Variants in SND1 observed in about 807,000 individuals in gnomAD.
SND1 encodes the protein staphylococcal nuclease and tudor domain containing 1, also known as staphylococcal nuclease domain-containing protein 1.
In SND1, 38 loss-of-function variants were observed where a neutral mutation model predicts 121.7. The ratio of observed to expected loss-of-function variants is 0.31; its 90% CI spans 0.24 to 0.41. The LOEUF (loss-of-function observed/expected upper bound fraction) is 0.41, where lower values mean the gene tolerates loss of function less well. SND1 is among the 10% of genes least tolerant of loss of function. SND1 has a pLI of 1.00. For missense variants in SND1, 868 were observed against 1,184.6 expected, an observed-to-expected ratio of 0.73 and a Z score of 3.92; for synonymous variants, 401 against 447.4, an observed-to-expected ratio of 0.90 and a Z score of 1.31.
intron 16 of SND1, among the ~76,000 whole-genome samples, chr7:128,070,491 G>T (rs568959067): frequency 6.6e-6 from 1 of 152,296 alleles, no homozygotes; most frequent in East Asian, 1.9e-4. Flanking sequence ...CATTATAGGA[G>T]GCCTCCTGTG....
At chr7:127,788,587 T>C (rs1797855225) in intron 10 of SND1, among the ~76,000 whole-genome samples, 1 of 152,206 alleles carries the variant, frequency 6.6e-6, no homozygotes, top group Non-Finnish European at 1.5e-5. Context: ...TCATGTACAT[T>C]TGATCAACTA....
At chr7:127,739,828 C>T (rs1012354956) in intron 10 of SND1, among the ~76,000 whole-genome samples, 1 of 152,208 alleles carries the variant, frequency 6.6e-6, no homozygotes, top group Non-Finnish European at 1.5e-5. Flanking sequence ...TTCTTTAGCA[C>T]CTGCCTCTGT....
chr7:128,087,740 G>A lies in SND1; in HGVS notation c.2418+689G>A, dbSNP rs556426809. On this transcript the variant is annotated intron_variant, in intron 21 of 23. Transcript: ENST00000354725. ...CGGTGTACAAGATTGCCCAGATTGA[G>A]TATGTGGAAGGTGTGATGGGGAGGA... Among the ~76,000 whole-genome samples, 177 of 152,318 alleles carry A rather than the reference G, an allele frequency of 1.2e-3. 1 individual carries two copies. The highest frequency in any genetic ancestry group is 2.1e-3 in the Non-Finnish European group (141 of 68,032).
At chr7:127,954,629 A>G (rs1380893893) in intron 15 of SND1, among the ~76,000 whole-genome samples, 2 of 152,162 alleles carry the variant, frequency 1.3e-5, no homozygotes, top group Non-Finnish European at 2.9e-5. Context: ...GGAGAGCAAT[A>G]TTTCTTACAG....
intron 1 of SND1, among the ~76,000 whole-genome samples, chr7:127,669,411 T>C (rs1325302242): frequency 6.6e-6 from 1 of 152,234 alleles, no homozygotes; most frequent in African/African-American, 2.4e-5. Context: ...CCTACTCTGT[T>C]CTCAACCAAA....
chr7:127,816,121 T>G (rs921086944), intron 11 of SND1, among the ~76,000 whole-genome samples: 14 of 152,220 alleles, frequency 9.2e-5, no homozygotes, highest in African/African-American at 2.7e-4. Flanking sequence ...CCTTGAAGCA[T>G]GAACACTGAT....
At chr7:128,035,176 T>C (rs1297544891) in intron 16 of SND1, among the ~76,000 whole-genome samples, 5 of 152,214 alleles carry the variant, frequency 3.3e-5, no homozygotes, top group African/African-American at 1.2e-4. Context: ...TTTAGACATG[T>C]GACAAATCTT....
chr7:127,718,643 C>G (rs1587617678), intron 9 of SND1: 1 of 985,344 alleles, frequency 1.0e-6, no homozygotes, highest in African/African-American at 1.7e-5. Context: ...CTAAAATTTA[C>G]AGCTCTAAGA....
At chr7:128,036,658 C>G (rs1225043662) in intron 16 of SND1, among the ~76,000 whole-genome samples, 3 of 152,208 alleles carry the variant, frequency 2.0e-5, no homozygotes, top group Non-Finnish European at 4.4e-5. Flanking sequence ...TCCTCTAAGA[C>G]TAAGTTTCTA....
At chr7:127,690,843 G>A (rs1279510438) in intron 2 of SND1, among the ~76,000 whole-genome samples, 1 of 152,166 alleles carries the variant, frequency 6.6e-6, no homozygotes, top group Non-Finnish European at 1.5e-5. Context: ...TTGCTCATTT[G>A]CATCCCTTTG....
At chr7:127,856,983 G>T (rs1460078435) in intron 12 of SND1, among the ~76,000 whole-genome samples, 4 of 152,076 alleles carry the variant, frequency 2.6e-5, no homozygotes, top group Non-Finnish European at 5.9e-5. Flanking sequence ...ATCATTGAGT[G>T]AAGGTTAACC....
intron 10 of SND1, among the ~76,000 whole-genome samples, chr7:127,776,408 A>T (rs914071923): frequency 6.6e-5 from 10 of 152,338 alleles, no homozygotes; most frequent in African/African-American, 2.4e-4. Flanking sequence ...CAATAAATTT[A>T]TGATGTAAAA....
chr7:127,935,284 G>A (rs1203608147), intron 15 of SND1, among the ~76,000 whole-genome samples: 1 of 152,226 alleles, frequency 6.6e-6, no homozygotes, highest in Non-Finnish European at 1.5e-5. Context: ...TTCCGAGGAT[G>A]TCAGCATCTT....
chr7:127,883,370 C>CTAG (rs1799831919), intron 12 of SND1, among the ~76,000 whole-genome samples: 1 of 152,058 alleles, frequency 6.6e-6, no homozygotes, highest in Non-Finnish European at 1.5e-5. Flanking sequence ...CCTTCCCTAC[C>CTAG]TCTAACAATA....
intron 11 of SND1, among the ~76,000 whole-genome samples, chr7:127,841,778 C>A (rs1317492031): frequency 6.6e-6 from 1 of 152,144 alleles, no homozygotes; most frequent in African/African-American, 2.4e-5. Flanking sequence ...GTTCAATCCC[C>A]CTGTCTGAAC....
chr7:128,039,143 C>A (rs1192877037), intron 16 of SND1, among the ~76,000 whole-genome samples: 2 of 152,198 alleles, frequency 1.3e-5, no homozygotes, highest in African/African-American at 2.4e-5. Flanking sequence ...ACTCTCCCCA[C>A]AACCTAAAAT....
At chr7:127,920,865 A>AG in intron 14 of SND1, among the ~76,000 whole-genome samples, 1 of 151,606 alleles carries the variant, frequency 6.6e-6, no homozygotes, top group Non-Finnish European at 1.5e-5. Context: ...TAACAAAAAA[A>AG]AAAAAAAAAG....
chr7:127,701,541 T>TA (rs55837540), intron 5 of SND1, among the ~76,000 whole-genome samples: 33,105 of 151,708 alleles, frequency 0.22, 4,162 homozygotes, highest in African/African-American at 0.35. Flanking sequence ...AAGCTAGTCC[T>TA]GTGCTGTTGC....
chr7:127,652,489 C>T (rs1795139748), intron 1 of SND1, 38 bp downstream of exon 1: 1 of 1,514,378 alleles, frequency 6.6e-7, no homozygotes, highest in South Asian at 1.2e-5. Flanking sequence ...CTCTGCCTGC[C>T]TTCGGGCGGG....
Sources: allele counts gnomAD v4.1 joint callset (sites outside exome capture counted in the v4.1 genomes callset), GRCh38; gene constraint gnomAD v4.1.1; transcripts MANE v1.5; gene names NCBI Gene and HGNC (gene_info 2026-07-23, HGNC 2026-07-21).